REPS1: variants seen among roughly 807,000 people sequenced by gnomAD.
REPS1 encodes the protein RALBP1 associated Eps domain containing 1.
A neutral mutation model predicts 100.9 loss-of-function variants in REPS1; 39 were observed. The ratio of observed to expected loss-of-function variants is 0.39; its 90% CI spans 0.30 to 0.50. The LOEUF (loss-of-function observed/expected upper bound fraction) is 0.50. REPS1 is among the 20% of genes least tolerant of loss of function. The pLI, the probability that REPS1 is intolerant of heterozygous loss-of-function variation, is 0.86. For missense variants in REPS1, 821 were observed against 968.5 expected (o/e 0.85, Z 2.02); for synonymous variants, 324 against 340.3 (o/e 0.95, Z 0.53).
In REPS1 at chr6:138,911,257, TA is replaced by T; in HGVS notation, c.2067+18del. 2 of 1,483,462 alleles carry T rather than the reference TA, an allele frequency of 1.3e-6. No homozygotes were observed. Among genetic ancestry groups the T allele is most frequent in the Non-Finnish European group, 1.9e-6 (2 of 1,065,296 alleles). The allele number at this position is 1,483,462 out of a possible 1,614,324, so 91.9% of individuals were successfully genotyped here. ...CTTATGATGTACAAAATTATTATTA[TA>T]AAAGACATTTTGCATACCACATTGG... On this transcript the variant is annotated intron_variant, in intron 17 of 19. Transcript: ENST00000450536.
At chr6:138,949,984 GA>G (rs2128481729) in intron 1 of REPS1, among the ~76,000 whole-genome samples, 1 of 152,224 alleles carries the variant, frequency 6.6e-6, no homozygotes, top group South Asian at 2.1e-4. Context: ...TGGTGATACA[GA>G]ATTTTCCAAT....
intron 16 of REPS1, among the ~76,000 whole-genome samples, chr6:138,911,908 A>C (rs1780039771): frequency 6.6e-6 from 1 of 152,160 alleles, no homozygotes; most frequent in East Asian, 1.9e-4. Flanking sequence ...GTGAGGATGC[A>C]GCCACTGCAC....
intron 19 of REPS1, 56 bp from the exon 20 acceptor site, chr6:138,905,188 A>AGAT: frequency 9.5e-7 from 1 of 1,052,816 alleles, no homozygotes; most frequent in South Asian, 1.3e-5. Flanking sequence ...ATGAAGAAAT[A>AGAT]TCTAACAACA....
intron 1 of REPS1, among the ~76,000 whole-genome samples, chr6:138,973,607 T>G (rs1784450214): frequency 6.6e-6 from 1 of 151,850 alleles, no homozygotes; most frequent in Non-Finnish European, 1.5e-5. Flanking sequence ...TAAGCCCCCA[T>G]GAAACATACA....
intron 1 of REPS1, among the ~76,000 whole-genome samples, chr6:138,971,452 T>C (rs1784339506): frequency 6.6e-6 from 1 of 151,252 alleles, no homozygotes; most frequent in Admixed American, 6.6e-5. Context: ...CTGTAGAAGT[T>C]TTGCCTCATT....
At chr6:138,947,992 T>G in intron 1 of REPS1, 79 bp from the exon 2 acceptor site, 1 of 1,315,904 alleles carries the variant, frequency 7.6e-7, no homozygotes, top group Non-Finnish European at 1.0e-6. Flanking sequence ...CCAACTTGTT[T>G]GTAACGTCTC....
At chr6:138,916,589 C>G (rs1327601916) in intron 13 of REPS1, among the ~76,000 whole-genome samples, 1 of 151,936 alleles carries the variant, frequency 6.6e-6, no homozygotes, top group East Asian at 1.9e-4. Context: ...CTTTCCCATT[C>G]AATTAAAAGT....
In REPS1 at chr6:138,907,604, A is replaced by G; in HGVS notation, c.2217-4T>C. ...TTTCTTATCTTTCCCAACAGATCTGAGAAGATAAAGAAGGCAAAAAAACCC... is the reference window on the plus strand; with the variant it reads ...TTTCTTATCTTTCCCAACAGATCTGGGAAGATAAAGAAGGCAAAAAAACCC... On this transcript the variant is annotated splice_polypyrimidine_tract_variant and splice_region_variant and intron_variant, in intron 18 of 19. Coordinates refer to ENST00000450536, the MANE Select transcript of REPS1 (RefSeq NM_001286611.2). The G allele has an allele frequency of 6.3e-7, 1 of 1,580,096 alleles. No individual in the cohort carries two copies. The highest frequency in any genetic ancestry group is 8.7e-7 in the Non-Finnish European group (1 of 1,150,374).
Position 138,945,676 on chromosome 6 carries a change from C to T in REPS1, c.299G>A (p.Arg100Lys). The change falls in exon 3 of 20, where the codon AGA (arginine) becomes AAA (lysine). Residue 100 changes from arginine (R) to lysine (K), a missense_variant. Arg to Lys is a conservative substitution (Grantham distance 26, BLOSUM62 2). Around this residue, in one of 3 missense-constraint regions of REPS1, gnomAD observed 757 missense variants for 866.4 expected, o/e 0.87. Transcript: ENST00000450536. ...CTGTTCATTCTTTGAAGCAACAAAT[C>T]TTGGCAGAGGAAGGTCCTTTACTGT... ...INTVKDLPLP[R>K]FVASKNEQES... 1 of 1,606,210 alleles carries T rather than the reference C, an allele frequency of 6.2e-7. No individual in the cohort carries two copies. Among genetic ancestry groups the T allele is most frequent in the East Asian group, 2.2e-5 (1 of 44,654 alleles).
At chr6:138,972,828 A>G (rs192032999) in intron 1 of REPS1, among the ~76,000 whole-genome samples, 7 of 152,284 alleles carry the variant, frequency 4.6e-5, no homozygotes, top group African/African-American at 1.7e-4. Flanking sequence ...AATTGAAAGC[A>G]CTATGCAGTC....
At position 138,908,651 on chromosome 6, in the gene REPS1, G is replaced by A; in HGVS notation, c.2216+17C>T. ...TCTTCCTAGTAATTAAATGTGTCTA[G>A]GAATAGCTTTGATTACCTGGGAATA... On this transcript the variant is annotated intron_variant, in intron 18 of 19. Coordinates refer to ENST00000450536, the MANE Select transcript of REPS1 (RefSeq NM_001286611.2). The A allele has an allele frequency of 6.2e-7, 1 of 1,613,578 alleles. No homozygotes were observed. Among genetic ancestry groups the A allele is most frequent in the Non-Finnish European group, 8.5e-7 (1 of 1,179,636 alleles).
At chr6:138,981,079 G>A (rs149059393) in intron 1 of REPS1, among the ~76,000 whole-genome samples, 1 of 152,264 alleles carries the variant, frequency 6.6e-6, no homozygotes, top group East Asian at 1.9e-4. Flanking sequence ...ATTAGGGGAA[G>A]GCTGGAAATC....
chr6:138,944,807 T>C (rs372210527), intron 4 of REPS1, among the ~76,000 whole-genome samples, 185 bp from the exon 5 acceptor site: 1 of 152,246 alleles, frequency 6.6e-6, no homozygotes, highest in Non-Finnish European at 1.5e-5. Context: ...GTCAATAAAA[T>C]GTATGTAATA....
intron 19 of REPS1, among the ~76,000 whole-genome samples, chr6:138,906,469 A>T (rs1477888225): frequency 1.3e-5 from 2 of 152,178 alleles, no homozygotes; most frequent in Non-Finnish European, 2.9e-5. Flanking sequence ...TTTTCCTCTC[A>T]AAAGTGTCTC....
intron 13 of REPS1, among the ~76,000 whole-genome samples, chr6:138,916,666 C>T (rs572012153): frequency 3.9e-5 from 6 of 152,206 alleles, no homozygotes; most frequent in South Asian, 2.1e-4. Flanking sequence ...TAGCTTTCAA[C>T]CTATTAAGTT....
intron 9 of REPS1, 161 bp downstream of exon 9, chr6:138,929,816 T>C (rs767681072): frequency 1.4e-5 from 9 of 652,312 alleles, no homozygotes; most frequent in Non-Finnish European, 2.0e-5. Context: ...TTTGAAAACC[T>C]CGAAAAAGTC....
chr6:138,920,314 G>A lies in REPS1; in HGVS notation c.1429C>T (p.His477Tyr), dbSNP rs746775415. The A allele has an allele frequency of 8.0e-6, 12 of 1,504,930 alleles. No homozygotes were observed. Among genetic ancestry groups the A allele is most frequent in the Non-Finnish European group, 1.1e-5 (12 of 1,081,588 alleles). 93.2% of individuals were successfully genotyped at this position (1,504,930 alleles called of 1,614,324 possible). The change falls in exon 12 of 20, where the codon CAT (histidine) becomes TAT (tyrosine). Residue 477 changes from histidine (H) to tyrosine (Y), a missense_variant and splice_region_variant. Physicochemically the swap from His to Tyr is moderately conservative, Grantham distance 83 (BLOSUM62 2). Around this residue, in one of 3 missense-constraint regions of REPS1, gnomAD observed 757 missense variants for 866.4 expected, o/e 0.87. Transcript: ENST00000450536. ...AGTAATGGGCTAGTGGGATTTGTAT[G>A]ATCTAATAGAGAATTAATAGGTAAA... is the stretch of plus-strand genomic sequence containing the variant. ...EMELKRTGSD[H>Y]TNPTSPLLVK...
intron 14 of REPS1, 55 bp downstream of exon 14, chr6:138,915,802 GT>G: frequency 2.4e-6 from 3 of 1,238,944 alleles, no homozygotes; most frequent in Non-Finnish European, 3.5e-6. Flanking sequence ...GTGTATGTGT[GT>G]TGGATTAACT....
intron 18 of REPS1, 55 bp from the exon 19 acceptor site, chr6:138,907,655 C>T: frequency 9.6e-7 from 1 of 1,046,536 alleles, no homozygotes; most frequent in Non-Finnish European, 1.5e-6. Flanking sequence ...TATCTTAAAT[C>T]CTCTCTATTC....
Sources: gnomAD v4.1 joint callset for allele counts (sites outside exome capture counted in the v4.1 genomes callset) on GRCh38, gnomAD v4.1.1 for gene constraint, gnomAD v4.1.1 regional missense constraint, MANE v1.5 for transcripts, NCBI Gene and HGNC (gene_info 2026-07-23, HGNC 2026-07-21) for gene names.